Variants in CUL9 observed in about 807,000 individuals in gnomAD.
CUL9 encodes the protein cullin-9.
Under a neutral mutation model 272.6 loss-of-function variants are expected in CUL9, and 79 were observed. That is an observed-to-expected ratio of 0.29 (90% CI 0.24 to 0.35). CUL9 has a LOEUF of 0.35. Ranked by LOEUF, CUL9 falls within the 10% of genes least tolerant of loss-of-function variation. CUL9 has a pLI of 1.00. For synonymous variants in CUL9, 1,186 were observed against 1,286.5 expected, an observed-to-expected ratio of 0.92 and a Z score of 1.67; for missense variants, 2,532 against 3,255.6, an observed-to-expected ratio of 0.78 and a Z score of 5.41.
chr6:43,213,814 A>C lies in CUL9; in HGVS notation c.5590A>C (p.Thr1864Pro). 1 of 1,614,190 alleles carries C rather than the reference A, an allele frequency of 6.2e-7. No individual in the cohort carries two copies. The highest frequency in any genetic ancestry group is 8.5e-7 in the Non-Finnish European group (1 of 1,180,040). ...YLNVEKDEGR[T>P]LEQKRNLLSC... ...GAACGTAGAGAAGGATGAAGGCCGA[A>C]CCCTGGAACAGAAGAGGAATCTCTT... is the stretch of plus-strand genomic sequence containing the variant. Residue 1864 changes from threonine (T) to proline (P), a missense_variant, in exon 29 of 41, where the codon ACC becomes CCC. Transcript: ENST00000252050. The surrounding 1 kb of genome is among the most constrained non-coding windows in gnomAD (Gnocchi z 5.7).
In CUL9 at chr6:43,223,139, G is replaced by C. The variant is rs541785599; in HGVS notation, c.7151-125G>C. 17 of 1,351,518 alleles carry C rather than the reference G, an allele frequency of 1.3e-5. No individual in the cohort carries two copies. The highest frequency in any genetic ancestry group is 1.0e-4 in the South Asian group (7 of 68,774). The allele number at this position is 1,351,518 out of a possible 1,614,324, so 83.7% of individuals were successfully genotyped here. A position where few individuals can be genotyped will look rare whatever the true frequency, so the allele number is the denominator to read the frequency against. ...TTCTGGTCTTTACCCTGCTCCCCTAGGGAGCTTCATGAGAATGTCTAGAGC... is the reference window on the plus strand; with the variant it reads ...TTCTGGTCTTTACCCTGCTCCCCTACGGAGCTTCATGAGAATGTCTAGAGC... On this transcript the variant is annotated intron_variant, in intron 38 of 40. Coordinates refer to ENST00000252050, the MANE Select transcript of CUL9 (RefSeq NM_015089.4). This position sits in a 1 kb window ranked among gnomAD's most constrained non-coding sequence, Gnocchi z 4.1.
In CUL9 at chr6:43,221,492, C is replaced by G. The variant is rs1776364766; in HGVS notation, c.6752+171C>G. The G allele has an allele frequency of 1.1e-6, 1 of 923,978 alleles. No individual in the cohort carries two copies. The highest frequency in any genetic ancestry group is 1.7e-5 in the African/African-American group (1 of 59,734). The allele number at this position is 923,978 out of a possible 1,614,324, so 57.2% of individuals were successfully genotyped here. A position where few individuals can be genotyped will look rare whatever the true frequency, so the allele number is the denominator to read the frequency against. On this transcript the variant is annotated intron_variant, in intron 34 of 40. Coordinates refer to ENST00000252050, the MANE Select transcript of CUL9 (RefSeq NM_015089.4). This position sits in a 1 kb window ranked among gnomAD's most constrained non-coding sequence, Gnocchi z 4.2. Reference sequence around the variant, plus strand: ...TTCCTGGATCTTAATGTTCCTTCTCCCACTCGTAAGTCCACACTGACTGGG... The same window carrying G: ...TTCCTGGATCTTAATGTTCCTTCTCGCACTCGTAAGTCCACACTGACTGGG...
In CUL9 at chr6:43,203,965, G is replaced by T; in HGVS notation, c.4137G>T (p.Leu1379=). The T allele has an allele frequency of 1.2e-6, 2 of 1,606,654 alleles. No homozygotes were observed. Among genetic ancestry groups the T allele is most frequent in the Non-Finnish European group, 1.7e-6 (2 of 1,174,620 alleles). The change falls in exon 20 of 41, where the codon CTG becomes CTT. Residue 1379 remains leucine, a synonymous_variant. Transcript: ENST00000252050. The surrounding 1 kb of genome is among the most constrained non-coding windows in gnomAD (Gnocchi z 5.0). ...GCTGGGAGGCCCTGGTCAGCCCCCT[G>T]GTGCAGAACATCACCTCTCCCGGTA... ...KTCWEALVSP[L]VQNITSPDAE... is the part of the protein sequence containing the mutation.
rs1562039872 is a variant in CUL9 at position 43,203,504 on chromosome 6, C to T, written c.3937C>T (p.Arg1313Ter). The T allele has an allele frequency of 2.5e-6, 4 of 1,614,108 alleles. No homozygotes were observed. The highest frequency in any genetic ancestry group is 2.2e-5 in the East Asian group (1 of 44,886). ...ACTGTTCCGGGAGCAGCTGTGTCGC[C>T]GAACATGTCTCTTCTACACAATTCG... Reference protein sequence around the residue: ...WPLFREQLCRRTCLFYTIRAQ... With the variant: ...WPLFREQLCR The change falls in exon 19 of 41, where the codon CGA becomes TGA. Residue 1313 changes from arginine (R) to a stop codon, truncating the protein, a stop_gained. Coordinates refer to ENST00000252050, the MANE Select transcript of CUL9 (RefSeq NM_015089.4). LOFTEE classifies it high-confidence loss of function. This position sits in a 1 kb window ranked among gnomAD's most constrained non-coding sequence, Gnocchi z 5.0.
At chr6:43,211,672 G>A (rs1009649420) in intron 26 of CUL9, among the ~76,000 whole-genome samples, 2 of 151,998 alleles carry the variant, frequency 1.3e-5, no homozygotes, top group Non-Finnish European at 2.9e-5. Context: ...TCTTTTTATT[G>A]TAAATTTCAA....
At chr6:43,209,359 C>T (rs1241630690) in intron 26 of CUL9, among the ~76,000 whole-genome samples, 1 of 151,340 alleles carries the variant, frequency 6.6e-6, no homozygotes, top group Non-Finnish European at 1.5e-5. Context: ...CCATGTTAGC[C>T]AGGATGGTCT....
chr6:43,189,490 T>A (rs1773243084), intron 8 of CUL9, among the ~76,000 whole-genome samples: 1 of 152,188 alleles, frequency 6.6e-6, no homozygotes, highest in Non-Finnish European at 1.5e-5. Context: ...AGCCCTCTAC[T>A]TTTAAATTAT....
chr6:43,198,248 A>G (rs1256370567), intron 11 of CUL9: 12 of 985,048 alleles, frequency 1.2e-5, no homozygotes, highest in Non-Finnish European at 1.4e-5. Context: ...CCTACAAAAT[A>G]GGAAATATGT....
In CUL9 at chr6:43,198,781, C is replaced by G. The variant is rs767180627; in HGVS notation, c.2976C>G (p.Thr992=). The stretch of plus-strand genomic sequence containing the variant: ...TCCTCAAGCGCCTCCAGCAGGAGAC[C>G]CAGCCTTTCCTCCTGTTGCTGCGGA... The part of the protein sequence containing the change: ...RPLLKRLQQE[T]QPFLLLLRTL... The change falls in exon 12 of 41, where the codon ACC becomes ACG. Residue 992 remains threonine, a synonymous_variant. Coordinates refer to ENST00000252050, the MANE Select transcript of CUL9 (RefSeq NM_015089.4). The G allele has an allele frequency of 6.2e-7, 1 of 1,614,008 alleles. No individual in the cohort carries two copies. Among genetic ancestry groups the G allele is most frequent in the Non-Finnish European group, 8.5e-7 (1 of 1,180,030 alleles).
intron 11 of CUL9, chr6:43,198,335 T>C (rs1320062998): frequency 1.0e-6 from 1 of 974,672 alleles, no homozygotes. Flanking sequence ...TAATATTTAC[T>C]ATAACTAACA....
At position 43,203,908 on chromosome 6, in the gene CUL9, T is replaced by C; in HGVS notation, c.4080T>C (p.Asp1360=). Residue 1360 remains aspartate (D), a synonymous_variant, in exon 20 of 41, where the codon GAT becomes GAC. Coordinates refer to ENST00000252050, the MANE Select transcript of CUL9 (RefSeq NM_015089.4). This position sits in a 1 kb window ranked among gnomAD's most constrained non-coding sequence, Gnocchi z 5.0. The part of the protein sequence containing the change: ...EQNFADRFLP[D]DEAAQALGKT... ...ATTTTGCTGACCGCTTCCTCCCTGA[T>C]GATGAGGCCGCCCAGGCACTGGGCA... The C allele has an allele frequency of 1.2e-6, 2 of 1,613,660 alleles. No homozygotes were observed. The highest frequency in any genetic ancestry group is 1.7e-6 in the Non-Finnish European group (2 of 1,179,662).
chr6:43,223,662 A>T lies in CUL9; in HGVS notation c.7284+265A>T, dbSNP rs1402119965. The stretch of plus-strand genomic sequence containing the variant: ...GGGTATTTGGTCAGGTGCCTATCAG[A>T]ATCACTTGGGGAACTTTTCCAGACT... On this transcript the variant is annotated intron_variant, in intron 39 of 40. Coordinates refer to ENST00000252050, the MANE Select transcript of CUL9 (RefSeq NM_015089.4). The surrounding 1 kb of genome is among the most constrained non-coding windows in gnomAD (Gnocchi z 4.1). 5.5e-6 allele frequency: 3 copies of T among 549,292 alleles called. No homozygotes were observed. Among genetic ancestry groups the T allele is most frequent in the Non-Finnish European group, 9.7e-6 (3 of 308,850 alleles). 34.0% of individuals were successfully genotyped at this position (549,292 alleles called of 1,614,324 possible).
At chr6:43,209,464 A>G (rs1775305480) in intron 26 of CUL9, among the ~76,000 whole-genome samples, 1 of 151,442 alleles carries the variant, frequency 6.6e-6, no homozygotes, top group South Asian at 2.1e-4. Context: ...AATTTTTTCA[A>G]CTGACCCATA....
intron 11 of CUL9, chr6:43,198,375 ATGTCT>A: frequency 2.0e-6 from 2 of 982,208 alleles, no homozygotes; most frequent in Non-Finnish European, 2.4e-6. Flanking sequence ...GAGATTTAAA[ATGTCT>A]TGTGTTTAAC....
rs749438167 is a variant in CUL9 at position 43,198,846 on chromosome 6, C to T, written c.3041C>T (p.Ser1014Phe). The change falls in exon 12 of 41, where the codon TCT becomes TTT. Residue 1014 changes from serine to phenylalanine, a missense_variant. Ser to Phe is a radical substitution (Grantham distance 155, BLOSUM62 -2). Around this residue, in one of 3 missense-constraint regions of CUL9, gnomAD observed 2,218 missense variants for 2,788.6 expected, o/e 0.80. Coordinates refer to ENST00000252050, the MANE Select transcript of CUL9 (RefSeq NM_015089.4). The part of the protein sequence containing the change: ...APGPNKTLLL[S>F]VLRVITRLLD... ...GGGCCCAACAAGACTCTGCTGCTGT[C>T]TGTGCTGAGGTGAGGGGCCTGTTGA... 3.1e-6 allele frequency: 5 copies of T among 1,613,342 alleles called. No homozygotes were observed. The African/African-American group carries it at 6.7e-5, about 22-fold the overall frequency.
At chr6:43,209,452 C>A (rs1381754555) in intron 26 of CUL9, among the ~76,000 whole-genome samples, 1 of 150,768 alleles carries the variant, frequency 6.6e-6, no homozygotes, top group Non-Finnish European at 1.5e-5. Flanking sequence ...CCCGGCCATT[C>A]TAATTTTTTC....
At chr6:43,183,900 G>C (rs1463032429) in intron 1 of CUL9, among the ~76,000 whole-genome samples, 2 of 152,044 alleles carry the variant, frequency 1.3e-5, no homozygotes, top group Non-Finnish European at 2.9e-5. Flanking sequence ...CTACGGGCAT[G>C]TGCCACCACA....
chr6:43,193,658 T>C (rs931948056), intron 9 of CUL9, among the ~76,000 whole-genome samples: 1 of 152,122 alleles, frequency 6.6e-6, no homozygotes, highest in African/African-American at 2.4e-5. Context: ...GTGATTCTCC[T>C]GCCTTAGCCT....
At position 43,199,836 on chromosome 6, in the gene CUL9, G is replaced by A. The variant is rs1376428781; in HGVS notation, c.3157-93G>A. On this transcript the variant is annotated intron_variant, in intron 13 of 40. Coordinates refer to ENST00000252050, the MANE Select transcript of CUL9 (RefSeq NM_015089.4). This position sits in a 1 kb window ranked among gnomAD's most constrained non-coding sequence, Gnocchi z 4.4. ...GCGTTGGCATGTCTCCACAATCTCA[G>A]CCACGACACTTCCTTTACTGAACCC... 8 of 1,042,964 alleles carry A rather than the reference G, an allele frequency of 7.7e-6. No homozygotes were observed. The highest frequency in any genetic ancestry group is 1.2e-5 in the Non-Finnish European group (8 of 681,782). 64.6% of individuals were successfully genotyped at this position (1,042,964 alleles called of 1,614,324 possible).
Sources: gnomAD v4.1 joint callset for allele counts (sites outside exome capture counted in the v4.1 genomes callset) on GRCh38, gnomAD v4.1.1 for gene constraint, gnomAD v4.1.1 regional missense constraint, Gnocchi (gnomAD v3.1) non-coding constraint, MANE v1.5 for transcripts, NCBI Gene and HGNC (gene_info 2026-07-23, HGNC 2026-07-21) for gene names.